ZFR2: variants seen among roughly 807,000 people sequenced by gnomAD.
The protein encoded by ZFR2 is zinc finger RNA binding protein 2, also known as zinc finger RNA-binding protein 2.
A neutral mutation model predicts 105.7 loss-of-function variants in ZFR2; 104 were observed. The observed-to-expected ratio is 0.98, with a 90% CI of 0.84 to 1.16. The LOEUF is 1.16. Ranked by LOEUF, ZFR2 falls within the 50% of genes most tolerant of loss-of-function variation. The pLI, the probability that ZFR2 is intolerant of heterozygous loss-of-function variation, is 0.00. For missense variants in ZFR2, 1,425 were observed against 1,355.5 expected, an observed-to-expected ratio of 1.05 and a Z score of -0.80; for synonymous variants, 634 against 597.7, an observed-to-expected ratio of 1.06 and a Z score of -0.89.
intron 3 of ZFR2, chr19:3,833,416 A>T: frequency 2.7e-6 from 1 of 365,930 alleles, no homozygotes; most frequent in Non-Finnish European, 5.2e-6. Flanking sequence ...CTCTACTAAA[A>T]ATACAAAAAA....
chr19:3,846,466 C>T (rs1048629162), intron 1 of ZFR2, among the ~76,000 whole-genome samples: 3 of 152,182 alleles, frequency 2.0e-5, no homozygotes, highest in African/African-American at 7.2e-5. Flanking sequence ...ACAGAACATA[C>T]TGTATTTAAC....
chr19:3,854,522 C>A (rs2038276257), intron 1 of ZFR2, among the ~76,000 whole-genome samples: 1 of 152,174 alleles, frequency 6.6e-6, no homozygotes, highest in South Asian at 2.1e-4. Context: ...CACATCATCT[C>A]CGGACCAAAA....
chr19:3,835,794 AAAAC>A (rs1270197212), intron 1 of ZFR2, among the ~76,000 whole-genome samples: 1 of 151,940 alleles, frequency 6.6e-6, no homozygotes, highest in Admixed American at 6.5e-5. Flanking sequence ...AAATTAAAAA[AAAAC>A]AAACAATTAG....
Position 3,825,363 on chromosome 19 carries a change from G to T in ZFR2, c.1080C>A (p.Leu360=). Residue 360 remains leucine (L), a synonymous_variant, in exon 7 of 19, where the codon CTC becomes CTA. Coordinates refer to ENST00000262961, the MANE Select transcript of ZFR2 (RefSeq NM_015174.2). ...HAKLGKPIPT[L]EPALATESPP... ...GGCTCTCTGTGGCCAGTGCAGGCTC[G>T]AGGGTGGGAATGGGCTTCCCCAGTT... 6.3e-7 allele frequency: 1 copy of T among 1,591,164 alleles called. No individual in the cohort carries two copies. Among genetic ancestry groups the T allele is most frequent in the Non-Finnish European group, 8.5e-7 (1 of 1,171,130 alleles).
intron 17 of ZFR2, 104 bp downstream of exon 17, chr19:3,808,768 C>T: frequency 1.0e-6 from 1 of 979,990 alleles, no homozygotes. Context: ...CTGGGCTGGA[C>T]ACTTCCTCTG....
intron 13 of ZFR2, 114 bp downstream of exon 13, chr19:3,816,560 C>T: frequency 4.2e-6 from 6 of 1,427,398 alleles, no homozygotes; most frequent in Non-Finnish European, 5.5e-6. Context: ...GCTTCTTGTA[C>T]CTTAAAGTTG....
chr19:3,862,387 T>G (rs2038383541), intron 1 of ZFR2, among the ~76,000 whole-genome samples: 1 of 152,196 alleles, frequency 6.6e-6, no homozygotes, highest in Non-Finnish European at 1.5e-5. Context: ...AACCTCCACC[T>G]CCCGGATTCA....
chr19:3,816,662 C>A lies in ZFR2; in HGVS notation c.2103+12G>T. 1 of 1,603,172 alleles carries A rather than the reference C, an allele frequency of 6.2e-7. No individual in the cohort carries two copies. Among genetic ancestry groups the A allele is most frequent in the Non-Finnish European group, 8.5e-7 (1 of 1,173,676 alleles). ...ACGCCAGAAGCAGCGATGAGCAGGG[C>A]CCTGACCTTACCTGGAGCTGCCGGG... On this transcript the variant is annotated intron_variant, in intron 13 of 18. Transcript: ENST00000262961.
intron 3 of ZFR2, among the ~76,000 whole-genome samples, chr19:3,833,248 CAAAA>C (rs1206859994): frequency 2.7e-5 from 2 of 75,266 alleles, no homozygotes; most frequent in Admixed American, 1.2e-4. Flanking sequence ...GACTCCGTCT[CAAAA>C]AAAAAAAAAA....
chr19:3,810,051 G>C (rs1244244732), intron 16 of ZFR2, among the ~76,000 whole-genome samples: 1 of 152,236 alleles, frequency 6.6e-6, no homozygotes, highest in Non-Finnish European at 1.5e-5. Context: ...TGGACACTGG[G>C]CAGTGGGTGG....
At position 3,823,550 on chromosome 19, in the gene ZFR2, C is replaced by T. The variant is rs1051278597; in HGVS notation, c.1214-147G>A. On this transcript the variant is annotated intron_variant, in intron 7 of 18. Transcript: ENST00000262961. The surrounding 1 kb of genome is among the most constrained non-coding windows in gnomAD (Gnocchi z 5.4). ...CCTGTGATGTCAGGGGGAATGGCCC[C>T]GGACAGCAACCTCGCTCTCCCTTTC... 1.5e-5 allele frequency: 12 copies of T among 801,452 alleles called. No individual in the cohort carries two copies. The highest frequency in any genetic ancestry group is 3.3e-4 in the Middle Eastern group (1 of 3,000). The allele number at this position is 801,452 out of a possible 1,614,324, so 49.6% of individuals were successfully genotyped here.
At chr19:3,853,223 G>A (rs182320751) in intron 1 of ZFR2, among the ~76,000 whole-genome samples, 6 of 152,324 alleles carry the variant, frequency 3.9e-5, no homozygotes, top group Non-Finnish European at 7.4e-5. Flanking sequence ...GCTTCTGCCA[G>A]GTCTCAGATG....
At chr19:3,847,292 G>A (rs191576777) in intron 1 of ZFR2, among the ~76,000 whole-genome samples, 9 of 152,326 alleles carry the variant, frequency 5.9e-5, no homozygotes, top group African/African-American at 1.9e-4. Context: ...GGGAGGCAGA[G>A]GCAGGAGGAT....
At chr19:3,843,712 G>A (rs1210460396) in intron 1 of ZFR2, among the ~76,000 whole-genome samples, 2 of 151,668 alleles carry the variant, frequency 1.3e-5, no homozygotes, top group Non-Finnish European at 2.9e-5. Flanking sequence ...GCGGGCGCCT[G>A]TAGTCCCAGC....
At chr19:3,814,088 G>T in intron 13 of ZFR2, 130 bp from the exon 14 acceptor site, 1 of 1,342,782 alleles carries the variant, frequency 7.4e-7, no homozygotes, top group Non-Finnish European at 1.0e-6. Flanking sequence ...TGGGTGCCGG[G>T]CCCTGTGCCC....
chr19:3,825,151 T>G, intron 7 of ZFR2, 79 bp downstream of exon 7: 1 of 1,376,494 alleles, frequency 7.3e-7, no homozygotes, highest in Non-Finnish European at 9.4e-7. Flanking sequence ...ATCGACTGGA[T>G]GGTAGATTTT....
chr19:3,826,512 T>G (rs1402564072), intron 6 of ZFR2, among the ~76,000 whole-genome samples: 1 of 151,754 alleles, frequency 6.6e-6, no homozygotes, highest in East Asian at 1.9e-4. Context: ...CTCAGCTCAC[T>G]GCAACCTCCA....
At chr19:3,809,772 C>T (rs2037741676) in intron 16 of ZFR2, among the ~76,000 whole-genome samples, 1 of 151,920 alleles carries the variant, frequency 6.6e-6, no homozygotes, top group Non-Finnish European at 1.5e-5. Flanking sequence ...GGCGAAACCC[C>T]ATCTCTACTA....
intron 12 of ZFR2, 83 bp downstream of exon 12, chr19:3,818,962 G>C: frequency 6.7e-7 from 1 of 1,500,426 alleles, no homozygotes; most frequent in Non-Finnish European, 8.9e-7. Context: ...TCAGAGCTAG[G>C]GGTTCCTGCA....
Sources: gnomAD v4.1 joint callset for allele counts (sites outside exome capture counted in the v4.1 genomes callset) on GRCh38, gnomAD v4.1.1 for gene constraint, Gnocchi (gnomAD v3.1) non-coding constraint, MANE v1.5 for transcripts, NCBI Gene and HGNC (gene_info 2026-07-23, HGNC 2026-07-21) for gene names.